FAM171A1: variants seen among roughly 807,000 people sequenced by gnomAD.
FAM171A1 encodes the protein protein FAM171A1.
In FAM171A1, 23 loss-of-function variants were observed where a neutral mutation model predicts 74.9. The observed-to-expected ratio is 0.31, with a 90% CI of 0.22 to 0.44. FAM171A1 has a LOEUF of 0.44. Among genes scored for constraint, FAM171A1 ranks in the 20% least tolerant of loss-of-function variants. FAM171A1 has a pLI of 1.00. For synonymous variants in FAM171A1, 527 were observed against 505.7 expected, an observed-to-expected ratio of 1.04 and a Z score of -0.57; for missense variants, 1,162 against 1,159.2, an observed-to-expected ratio of 1.00 and a Z score of -0.03.
At chr10:15,245,206 T>C (rs535877265) in intron 5 of FAM171A1, among the ~76,000 whole-genome samples, 84 of 152,250 alleles carry the variant, frequency 5.5e-4, no homozygotes, top group African/African-American at 1.9e-3. Context: ...GCTGGGATTA[T>C]AGGCATGCAC....
At chr10:15,373,725 G>A (rs906827598), upstream of FAM171A1, among the ~76,000 whole-genome samples, 1 of 152,000 alleles carries the variant, frequency 6.6e-6, no homozygotes, top group African/African-American at 2.4e-5. Context: ...ATTTCAGATG[G>A]AAATATTTAA....
At chr10:15,309,917 A>C (rs1039547103) in intron 1 of FAM171A1, among the ~76,000 whole-genome samples, 4 of 152,238 alleles carry the variant, frequency 2.6e-5, no homozygotes, top group African/African-American at 9.6e-5. Flanking sequence ...AGTTAGGAGG[A>C]AAGAACACAA....
intron 1 of FAM171A1, among the ~76,000 whole-genome samples, chr10:15,307,889 G>A (rs1835316120): frequency 6.6e-6 from 1 of 150,862 alleles, no homozygotes; most frequent in South Asian, 2.1e-4. Flanking sequence ...CTGCAGCCTC[G>A]AATCCTTGGG....
intron 1 of FAM171A1, among the ~76,000 whole-genome samples, chr10:15,340,084 T>C (rs1180317661): frequency 6.6e-6 from 1 of 152,104 alleles, no homozygotes; most frequent in Non-Finnish European, 1.5e-5. Context: ...GAGAATTGGG[T>C]AGGCGGGGGC....
intron 1 of FAM171A1, among the ~76,000 whole-genome samples, chr10:15,359,639 A>G (rs147505486): frequency 1.3e-5 from 2 of 152,336 alleles, no homozygotes; most frequent in African/African-American, 4.8e-5. Flanking sequence ...AGAGGTCATT[A>G]GGGCTATGGA....
chr10:15,270,741 C>A (rs1834813053), intron 3 of FAM171A1, among the ~76,000 whole-genome samples: 1 of 152,336 alleles, frequency 6.6e-6, no homozygotes, highest in Admixed American at 6.5e-5. Context: ...TCTGCAGCCT[C>A]CGCTGGTGAT....
In FAM171A1 at chr10:15,331,166, G is replaced by A. The variant is rs1835626402; in HGVS notation, c.97+39790C>T. On this transcript the variant is annotated intron_variant, in intron 1 of 7. Transcript: ENST00000378116. ...GGCCTCCCAAAGCGCTGGGATTACA[G>A]GTGTGAGCCACCGCACCCGGCCTAC... Among the ~76,000 whole-genome samples the A allele has an allele frequency of 2.0e-5, 3 of 152,134 alleles. No homozygotes were observed. In the South Asian group the frequency reaches 6.2e-4, roughly 32 times the overall value.
rs575650064 is a variant in FAM171A1 at position 15,240,089 on chromosome 10, T to C, written c.754+8550A>G. 2.6e-4 allele frequency among the ~76,000 whole-genome samples: 39 copies of C among 152,356 alleles called. No individual in the cohort carries two copies. The South Asian group carries it at 7.7e-3, about 30-fold the overall frequency. ...AAAATTTATTTTAGGCTGGGCGTGGTAGCTCATGCCTGTAATCCCAGCACT... is the reference window on the plus strand; with the variant it reads ...AAAATTTATTTTAGGCTGGGCGTGGCAGCTCATGCCTGTAATCCCAGCACT... On this transcript the variant is annotated intron_variant, in intron 5 of 7. Transcript: ENST00000378116.
chr10:15,345,299 G>A (rs940402517), intron 1 of FAM171A1, among the ~76,000 whole-genome samples: 5 of 152,192 alleles, frequency 3.3e-5, no homozygotes, highest in Non-Finnish European at 7.3e-5. Flanking sequence ...ATTGCAATCT[G>A]GGGCGGGAAG....
chr10:15,290,646 C>T (rs563821204), intron 1 of FAM171A1, among the ~76,000 whole-genome samples: 2 of 152,198 alleles, frequency 1.3e-5, no homozygotes, highest in African/African-American at 2.4e-5. Context: ...GAAGAAGTGC[C>T]CCAAGGAAAA....
At chr10:15,357,343 A>G (rs778902144) in intron 1 of FAM171A1, among the ~76,000 whole-genome samples, 24 of 152,248 alleles carry the variant, frequency 1.6e-4, no homozygotes, top group Admixed American at 3.3e-4. Flanking sequence ...CAAAAAATCC[A>G]TGGTGAATAA....
intron 1 of FAM171A1, among the ~76,000 whole-genome samples, chr10:15,306,052 T>C (rs891188079): frequency 1.3e-5 from 2 of 152,118 alleles, no homozygotes; most frequent in Non-Finnish European, 2.9e-5. Flanking sequence ...ATCGCACAAA[T>C]AGAGCATGAT....
At chr10:15,349,497 C>T (rs1835854309) in intron 1 of FAM171A1, among the ~76,000 whole-genome samples, 3 of 152,162 alleles carry the variant, frequency 2.0e-5, no homozygotes, top group Non-Finnish European at 2.9e-5. Flanking sequence ...AAAGGAACCT[C>T]CAAGTCATTC....
intron 1 of FAM171A1, among the ~76,000 whole-genome samples, chr10:15,307,211 C>A (rs1041811470): frequency 6.6e-6 from 1 of 152,112 alleles, no homozygotes; most frequent in Non-Finnish European, 1.5e-5. Flanking sequence ...CATTTGCTTG[C>A]AGGGTGCAAA....
intron 1 of FAM171A1, among the ~76,000 whole-genome samples, chr10:15,315,738 A>C (rs1009092321): frequency 1.3e-5 from 2 of 151,894 alleles, no homozygotes; most frequent in Non-Finnish European, 2.9e-5. Context: ...TGTCCCCCCA[A>C]CTCCCTAGTC....
chr10:15,297,062 T>C (rs889269245), intron 1 of FAM171A1, among the ~76,000 whole-genome samples: 15 of 151,618 alleles, frequency 9.9e-5, no homozygotes, highest in African/African-American at 3.4e-4. Flanking sequence ...GAGCTTTTTT[T>C]CTTTTTTTTT....
At chr10:15,365,832 A>C (rs983971986) in intron 1 of FAM171A1, among the ~76,000 whole-genome samples, 4 of 151,952 alleles carry the variant, frequency 2.6e-5, no homozygotes, top group African/African-American at 9.7e-5. Flanking sequence ...AAATGTTTGC[A>C]GACAGACTTG....
At chr10:15,365,350 A>G (rs1836046511) in intron 1 of FAM171A1, among the ~76,000 whole-genome samples, 1 of 152,232 alleles carries the variant, frequency 6.6e-6, no homozygotes, top group South Asian at 2.1e-4. Context: ...GATGTCTACC[A>G]GTTTGCTGGA....
intron 1 of FAM171A1, among the ~76,000 whole-genome samples, chr10:15,315,562 C>T (rs947816052): frequency 2.0e-5 from 3 of 152,200 alleles, no homozygotes; most frequent in African/African-American, 7.2e-5. Flanking sequence ...CACATTATCC[C>T]CTTATTCTAA....
Sources: allele counts gnomAD v4.1 joint callset (sites outside exome capture counted in the v4.1 genomes callset), GRCh38; gene constraint gnomAD v4.1.1; transcripts MANE v1.5; gene names NCBI Gene and HGNC (gene_info 2026-07-23, HGNC 2026-07-21).